Variants in BZW2 observed in about 807,000 individuals in gnomAD.
BZW2 encodes eIF5-mimic protein 1.
In BZW2, 23 loss-of-function variants were observed where a neutral mutation model predicts 53.2. That is an observed-to-expected ratio of 0.43 (90% CI 0.31 to 0.61). The LOEUF (loss-of-function observed/expected upper bound fraction) is 0.61, where lower values mean the gene tolerates loss of function less well. Ranked by LOEUF, BZW2 falls within the 20% of genes least tolerant of loss-of-function variation. The pLI is 0.09. For synonymous variants in BZW2, 227 were observed against 186.4 expected, an observed-to-expected ratio of 1.22 and a Z score of -1.77; for missense variants, 409 against 503.1, an observed-to-expected ratio of 0.81 and a Z score of 1.79.
In BZW2 at chr7:16,706,064, C is replaced by T. The variant is rs547567809; in HGVS notation, c.1236C>T (p.Ser412=). Residue 412 remains serine, a synonymous_variant, in exon 12 of 12, where the codon TCC becomes TCT. Coordinates refer to ENST00000258761, the MANE Select transcript of BZW2 (RefSeq NM_014038.3). ...VEWLQNAEEE[S]ESEGEEN ...CACTTCTTTCTTCTCTCCTAGAATCCGAATCGGAAGGTGAGGAAAATTAAA... is the reference window on the plus strand; with the variant it reads ...CACTTCTTTCTTCTCTCCTAGAATCTGAATCGGAAGGTGAGGAAAATTAAA... 2.7e-5 allele frequency: 43 copies of T among 1,613,204 alleles called. No individual in the cohort carries two copies. In the East Asian group the frequency reaches 6.0e-4, roughly 23 times the overall value.
At chr7:16,679,483 T>C (rs1188742038) in intron 3 of BZW2, among the ~76,000 whole-genome samples, 2 of 152,198 alleles carry the variant, frequency 1.3e-5, no homozygotes, top group Non-Finnish European at 1.5e-5. Flanking sequence ...GGCTGACTTC[T>C]CCAAAAACTA....
chr7:16,681,887 G>C (rs1315708765), intron 4 of BZW2, among the ~76,000 whole-genome samples: 1 of 152,070 alleles, frequency 6.6e-6, no homozygotes, highest in African/African-American at 2.4e-5. Flanking sequence ...TCTCTTGTGG[G>C]AATTTAAATA....
At chr7:16,700,311 A>C (rs574914282) in intron 10 of BZW2, among the ~76,000 whole-genome samples, 1 of 152,316 alleles carries the variant, frequency 6.6e-6, no homozygotes, top group Non-Finnish European at 1.5e-5. Flanking sequence ...TAAGAGCGTT[A>C]CTGTGTTAAC....
intron 4 of BZW2, among the ~76,000 whole-genome samples, chr7:16,681,748 C>G (rs1012909912): frequency 6.6e-6 from 1 of 152,168 alleles, no homozygotes; most frequent in Non-Finnish European, 1.5e-5. Flanking sequence ...AGGAGGATCA[C>G]TTGAACCCAG....
chr7:16,665,899 T>C (rs1476489949), intron 2 of BZW2, among the ~76,000 whole-genome samples: 8 of 152,174 alleles, frequency 5.3e-5, no homozygotes, highest in African/African-American at 1.9e-4. Context: ...TGAAGAGTTT[T>C]TTAATTTTTC....
intron 9 of BZW2, among the ~76,000 whole-genome samples, chr7:16,697,340 CT>C (rs1206227046): frequency 6.6e-6 from 1 of 152,152 alleles, no homozygotes; most frequent in Admixed American, 6.5e-5. Flanking sequence ...ATCCTCCTGC[CT>C]TGGCCTCCCA....
Position 16,698,176 on chromosome 7 carries a change from C to A in BZW2, c.1098C>A (p.Leu366=). The A allele has an allele frequency of 6.2e-7, 1 of 1,614,144 alleles. No homozygotes were observed. The highest frequency in any genetic ancestry group is 8.5e-7 in the Non-Finnish European group (1 of 1,180,008). Residue 366 remains leucine, a synonymous_variant, in exon 10 of 12, where the codon CTC becomes CTA. Coordinates refer to ENST00000258761, the MANE Select transcript of BZW2 (RefSeq NM_014038.3). ...AAGCCTTTCAGAAGATTGTGGTTCT[C>A]TTTTATAAAGGTATCCATCCACGTG... is the stretch of plus-strand genomic sequence containing the variant. ...FMKAFQKIVV[L]FYKADVLSEE... is the part of the protein sequence containing the mutation.
intron 3 of BZW2, among the ~76,000 whole-genome samples, chr7:16,676,577 C>T (rs1392178626): frequency 7.1e-6 from 1 of 140,500 alleles, no homozygotes; most frequent in Non-Finnish European, 1.5e-5. Flanking sequence ...TTTACATACA[C>T]CTTTAACAAT....
Position 16,704,544 on chromosome 7 carries a change from C to T in BZW2, c.1109-3C>T. ...CTTTGAAATCTTTGATTTAAAATTGCAGCTGATGTTCTGAGCGAAGAAGCA... is the reference window on the plus strand; with the variant it reads ...CTTTGAAATCTTTGATTTAAAATTGTAGCTGATGTTCTGAGCGAAGAAGCA... On this transcript the variant is annotated splice_polypyrimidine_tract_variant and splice_region_variant and intron_variant, in intron 10 of 11. Transcript: ENST00000258761. 6 of 1,511,072 alleles carry T rather than the reference C, an allele frequency of 4.0e-6. No individual in the cohort carries two copies. Among genetic ancestry groups the T allele is most frequent in the Non-Finnish European group, 4.5e-6 (5 of 1,110,582 alleles). The allele number at this position is 1,511,072 out of a possible 1,614,324, so 93.6% of individuals were successfully genotyped here. A position where few individuals can be genotyped will look rare whatever the true frequency, so the allele number is the denominator to read the frequency against.
chr7:16,647,746 C>A (rs1781902673), intron 1 of BZW2, among the ~76,000 whole-genome samples: 1 of 152,168 alleles, frequency 6.6e-6, no homozygotes, highest in Non-Finnish European at 1.5e-5. Context: ...TAGTATCATG[C>A]GGAAGAAACC....
At chr7:16,669,373 C>T (rs1411677789) in intron 2 of BZW2, among the ~76,000 whole-genome samples, 1 of 152,140 alleles carries the variant, frequency 6.6e-6, no homozygotes, top group Non-Finnish European at 1.5e-5. Flanking sequence ...AGTGATCCAT[C>T]TACCTTGGCC....
intron 6 of BZW2, chr7:16,687,056 A>G (rs1783149163): frequency 6.6e-6 from 1 of 152,246 alleles, no homozygotes. Context: ...ATTATTTTAA[A>G]TTATCCTAGC....
intron 6 of BZW2, chr7:16,687,535 A>T (rs942128552): frequency 7.9e-5 from 12 of 152,048 alleles, no homozygotes; most frequent in African/African-American, 2.4e-4. Context: ...TGGGAAACAA[A>T]GCAAGACTCT....
intron 6 of BZW2, chr7:16,686,245 T>C: frequency 1.5e-6 from 1 of 682,714 alleles, no homozygotes; most frequent in Non-Finnish European, 2.4e-6. Context: ...GGAAAAAATA[T>C]GCACACCTGT....
rs558959921 is a variant in BZW2, at chr7:16,706,311, A to G, written c.*223A>G. 5 of 512,020 alleles carry G rather than the reference A, an allele frequency of 9.8e-6. No individual in the cohort carries two copies. The highest frequency in any genetic ancestry group is 7.2e-5 in the Admixed American group (2 of 27,590). The allele number at this position is 512,020 out of a possible 1,614,324, so 31.7% of individuals were successfully genotyped here. On this transcript the variant is annotated 3_prime_UTR_variant, in exon 12 of 12. Transcript: ENST00000258761. ...CTTGGGACTCTACCTCTCACTCACT[A>G]TATGCTAACTTAAAGCCATTCAACA...
At chr7:16,677,015 C>T (rs1202040061) in intron 3 of BZW2, among the ~76,000 whole-genome samples, 2 of 151,530 alleles carry the variant, frequency 1.3e-5, no homozygotes, top group Non-Finnish European at 1.5e-5. Context: ...GTTTCCTTTA[C>T]CATGATCAGC....
intron 1 of BZW2, among the ~76,000 whole-genome samples, chr7:16,653,034 TTGTGTGTGTGTGTG>T (rs10533020): frequency 6.7e-6 from 1 of 149,952 alleles, no homozygotes; most frequent in Non-Finnish European, 1.5e-5. Context: ...GAAAGTAACT[TTGTGTGTGTGTGTG>T]TGTGTGTGTA....
At chr7:16,681,051 C>A (rs1048968707) in intron 3 of BZW2, among the ~76,000 whole-genome samples, 2 of 152,090 alleles carry the variant, frequency 1.3e-5, no homozygotes, top group African/African-American at 4.8e-5. Context: ...TTGCAGTGAG[C>A]CGAGATTGTG....
At chr7:16,680,617 C>T (rs1451113864) in intron 3 of BZW2, among the ~76,000 whole-genome samples, 1 of 151,724 alleles carries the variant, frequency 6.6e-6, no homozygotes, top group East Asian at 1.9e-4. Context: ...CCAGCCTGGG[C>T]AACATGGGAA....
Sources: allele counts gnomAD v4.1 joint callset (sites outside exome capture counted in the v4.1 genomes callset), GRCh38; gene constraint gnomAD v4.1.1; transcripts MANE v1.5; gene names NCBI Gene and HGNC (gene_info 2026-07-23, HGNC 2026-07-21).